The following CPED1 variants were observed in gnomAD, a reference collection of about 807,000 sequenced individuals.
CPED1 encodes the protein cadherin like and PC-esterase domain containing 1.
A neutral mutation model predicts 128.2 loss-of-function variants in CPED1; 114 were observed. The observed-to-expected ratio is 0.89, with a 90% CI of 0.76 to 1.04. The LOEUF is 1.04. Ranked by LOEUF, CPED1 falls within the 50% of genes least tolerant of loss-of-function variation. The pLI is 0.00. For synonymous variants in CPED1, 462 were observed against 426.7 expected (o/e 1.08, Z -1.02); for missense variants, 1,211 against 1,207.1 (o/e 1.00, Z -0.05).
chr7:121,244,487 G>C (rs1324053510), intron 18 of CPED1, 149 bp downstream of exon 18: 1 of 776,922 alleles, frequency 1.3e-6, no homozygotes. Flanking sequence ...ATCATGTATA[G>C]ATGTTATCAT....
chr7:121,152,920 T>A (rs1446971492), intron 16 of CPED1, among the ~76,000 whole-genome samples: 1 of 152,178 alleles, frequency 6.6e-6, no homozygotes, highest in Admixed American at 6.5e-5. Context: ...AAATTTTGCC[T>A]TAAACATGTA....
At chr7:121,295,356 T>C in intron 22 of CPED1, 84 bp from the exon 23 acceptor site, 1 of 1,469,856 alleles carries the variant, frequency 6.8e-7, no homozygotes, top group Non-Finnish European at 9.1e-7. Context: ...GTGGCAGAGA[T>C]GCATGTTCAA....
intron 6 of CPED1, among the ~76,000 whole-genome samples, chr7:121,099,013 G>GT (rs936342027): frequency 2.0e-5 from 3 of 150,452 alleles, no homozygotes; most frequent in African/African-American, 7.3e-5. Context: ...AGCCTGAGGT[G>GT]TTTTTTTAAT....
intron 4 of CPED1, among the ~76,000 whole-genome samples, chr7:121,056,657 C>G (rs988853576): frequency 2.8e-4 from 43 of 152,262 alleles, no homozygotes; most frequent in African/African-American, 1.0e-3. Flanking sequence ...GGGATATGTT[C>G]TTATATTATT....
chr7:121,146,375 A>G (rs1311352986), intron 16 of CPED1, among the ~76,000 whole-genome samples: 6 of 152,138 alleles, frequency 3.9e-5, no homozygotes, highest in Admixed American at 1.3e-4. Flanking sequence ...AAATCTTAAT[A>G]CCATCACAAT....
At chr7:121,047,436 T>C (rs1377717239) in intron 4 of CPED1, among the ~76,000 whole-genome samples, 2 of 152,200 alleles carry the variant, frequency 1.3e-5, no homozygotes, top group Admixed American at 1.3e-4. Context: ...GTGTGAACTT[T>C]TGTAAATGGT....
chr7:121,116,428 A>G (rs749450342), intron 7 of CPED1, among the ~76,000 whole-genome samples: 37 of 152,232 alleles, frequency 2.4e-4, no homozygotes, highest in Non-Finnish European at 5.0e-4. Context: ...ATTTTAGTTA[A>G]CATGAATTTT....
intron 16 of CPED1, among the ~76,000 whole-genome samples, chr7:121,165,697 ACT>A (rs1441956606): frequency 7.9e-5 from 12 of 152,246 alleles, no homozygotes; most frequent in South Asian, 2.1e-4. Flanking sequence ...ATTAACCACC[ACT>A]AAGTCTGAAG....
intron 5 of CPED1, among the ~76,000 whole-genome samples, chr7:121,067,890 G>T (rs1474011765): frequency 6.6e-6 from 1 of 151,932 alleles, no homozygotes; most frequent in African/African-American, 2.4e-5. Context: ...TTTCATGTGT[G>T]TTTTGGCTGC....
At chr7:121,090,207 GGTTA>G (rs1163077649) in intron 5 of CPED1, among the ~76,000 whole-genome samples, 1 of 152,266 alleles carries the variant, frequency 6.6e-6, no homozygotes, top group Non-Finnish European at 1.5e-5. Flanking sequence ...TTGATTGAGT[GGTTA>G]GTTGGTGGAA....
intron 7 of CPED1, among the ~76,000 whole-genome samples, chr7:121,119,358 G>A (rs1365750272): frequency 6.7e-6 from 1 of 150,330 alleles, no homozygotes; most frequent in Non-Finnish European, 1.5e-5. Context: ...GTAGAAACGG[G>A]GTTTCACCAT....
At chr7:121,033,392 A>G (rs895343113) in intron 3 of CPED1, among the ~76,000 whole-genome samples, 2 of 152,206 alleles carry the variant, frequency 1.3e-5, no homozygotes, top group Non-Finnish European at 2.9e-5. Flanking sequence ...TTGAAAGTTC[A>G]TCACCTAGAT....
intron 18 of CPED1, among the ~76,000 whole-genome samples, chr7:121,252,462 C>T (rs1462961886): frequency 6.6e-6 from 1 of 151,402 alleles, no homozygotes; most frequent in Non-Finnish European, 1.5e-5. Flanking sequence ...CCAAAATTGA[C>T]AAATGGGATC....
At chr7:121,236,661 A>C in intron 16 of CPED1, 53 bp from the exon 17 acceptor site, 2 of 1,096,024 alleles carry the variant, frequency 1.8e-6, no homozygotes, top group Non-Finnish European at 2.6e-6. Context: ...AGATTTTATT[A>C]TTATGGGTCA....
At chr7:121,061,376 A>G (rs1793667644) in intron 4 of CPED1, among the ~76,000 whole-genome samples, 1 of 152,254 alleles carries the variant, frequency 6.6e-6, no homozygotes, top group African/African-American at 2.4e-5. Context: ...ATAAATATAC[A>G]CACATACACA....
rs191255203 is a variant in CPED1, at chr7:121,205,682, A to G, written c.2056-31032A>G. ...TTTGCTGAATTTTCTTGAAACTCTC[A>G]GCAGCACTCAGCTCTAGGATTACAA... On this transcript the variant is annotated intron_variant, in intron 16 of 22. Coordinates refer to ENST00000310396, the MANE Select transcript of CPED1 (RefSeq NM_024913.5). 2.2e-3 allele frequency among the ~76,000 whole-genome samples: 339 copies of G among 152,136 alleles called. 1 individual carries two copies. The highest frequency in any genetic ancestry group is 7.7e-3 in the African/African-American group (318 of 41,540).
rs183556874 is a variant in CPED1, at chr7:121,116,451, G to A, written c.919-7880G>A. ...TAACATGAATTTTTTTCTTGATCTA[G>A]GCAATTTGATTTAAGTTACAAAGAA... On this transcript the variant is annotated intron_variant, in intron 7 of 22. Coordinates refer to ENST00000310396, the MANE Select transcript of CPED1 (RefSeq NM_024913.5). Among the ~76,000 whole-genome samples, 17 of 152,148 alleles carry A rather than the reference G, an allele frequency of 1.1e-4. 1 individual carries two copies. The Middle Eastern group carries it at 0.014, about 122-fold the overall frequency.
intron 18 of CPED1, among the ~76,000 whole-genome samples, chr7:121,262,316 T>C (rs1042679441): frequency 6.6e-6 from 1 of 152,094 alleles, no homozygotes; most frequent in South Asian, 2.1e-4. Context: ...GGCATTCTTT[T>C]ATAGTGATGC....
chr7:121,081,147 G>A (rs989732541), intron 5 of CPED1, among the ~76,000 whole-genome samples: 39 of 152,158 alleles, frequency 2.6e-4, no homozygotes, highest in African/African-American at 9.4e-4. Flanking sequence ...TAGGATAAAT[G>A]CATTGTCACA....
Sources: gnomAD v4.1 joint callset for allele counts (sites outside exome capture counted in the v4.1 genomes callset) on GRCh38, gnomAD v4.1.1 for gene constraint, MANE v1.5 for transcripts, NCBI Gene and HGNC (gene_info 2026-07-23, HGNC 2026-07-21) for gene names.